NME7: variants seen among roughly 807,000 people sequenced by gnomAD.
The protein encoded by NME7 is nucleoside diphosphate kinase 7.
NME7 carries 41 observed loss-of-function variants against 49.1 expected under a neutral mutation model. The ratio of observed to expected loss-of-function variants is 0.83; its 90% confidence interval spans 0.65 to 1.08. The LOEUF is 1.08. Among genes scored for constraint, NME7 ranks in the 50% least tolerant of loss-of-function variants. NME7 has a pLI of 0.00. For synonymous variants in NME7, 139 were observed against 150.6 expected (o/e 0.92, Z 0.56); for missense variants, 423 against 463.4 (o/e 0.91, Z 0.80).
Position 169,230,800 on chromosome 1 carries a change from T to C in NME7, c.908A>G (p.Tyr303Cys), listed in dbSNP as rs1191074998. The C allele has an allele frequency of 1.9e-6, 3 of 1,600,436 alleles. No homozygotes were observed. The highest frequency in any genetic ancestry group is 2.7e-5 in the African/African-American group (2 of 74,574). ...TEYHDMVTEM[Y>C]SGPCVAMEIQ... is the part of the protein sequence containing the mutation. The stretch of plus-strand genomic sequence containing the variant: ...CTCCATTGCTACACAAGGGCCAGAA[T>C]ACATTTCTGTCACCATGTCCTATGA... Residue 303 changes from tyrosine to cysteine, a missense_variant, in exon 10 of 12, where the codon TAT (tyrosine) becomes TGT (cysteine). Tyr to Cys is a radical substitution (Grantham distance 194). Coordinates refer to ENST00000367811, the MANE Select transcript of NME7 (RefSeq NM_013330.5).
intron 10 of NME7, among the ~76,000 whole-genome samples, chr1:169,196,493 C>T (rs1660382912): frequency 6.6e-6 from 1 of 152,134 alleles, no homozygotes; most frequent in Non-Finnish European, 1.5e-5. Context: ...TATCCGCATG[C>T]TTGGCATTGT....
At chr1:169,137,058 G>C (rs1299633413) in intron 11 of NME7, among the ~76,000 whole-genome samples, 3 of 152,170 alleles carry the variant, frequency 2.0e-5, no homozygotes, top group Admixed American at 6.5e-5. Flanking sequence ...TAGATTTTTG[G>C]ATAAAATCTA....
chr1:169,181,456 G>A (rs1039688887), intron 10 of NME7, among the ~76,000 whole-genome samples: 7 of 151,686 alleles, frequency 4.6e-5, no homozygotes, highest in African/African-American at 1.7e-4. Flanking sequence ...GCCAAAGAAA[G>A]TGCCATTTCT....
At chr1:169,193,957 G>A (rs1267472405) in intron 10 of NME7, among the ~76,000 whole-genome samples, 4 of 151,522 alleles carry the variant, frequency 2.6e-5, no homozygotes, top group Non-Finnish European at 2.9e-5. Flanking sequence ...AAATCACTAG[G>A]GAAGAATAGT....
intron 3 of NME7, among the ~76,000 whole-genome samples, chr1:169,316,144 G>A (rs1472419296): frequency 2.0e-5 from 3 of 151,924 alleles, no homozygotes; most frequent in Non-Finnish European, 4.4e-5. Flanking sequence ...GTGAACAAAT[G>A]TTTAGGTAAA....
rs571227422 is a variant in NME7 at position 169,258,548 on chromosome 1, A to T, written c.755-20861T>A. Reference sequence around the variant, plus strand: ...AAAGTCACAGTTAAGGAAATTCACAAATTTAGACATCTTATTATAAGAACA... The same window carrying T: ...AAAGTCACAGTTAAGGAAATTCACATATTTAGACATCTTATTATAAGAACA... On this transcript the variant is annotated intron_variant, in intron 7 of 11. Coordinates refer to ENST00000367811, the MANE Select transcript of NME7 (RefSeq NM_013330.5). Among the ~76,000 whole-genome samples, 110 of 128,308 alleles carry T rather than the reference A, an allele frequency of 8.6e-4. 15 individuals carry two copies. The highest frequency in any genetic ancestry group is 7.2e-3 in the Admixed American group (92 of 12,842). The allele number at this position is 128,308 out of a possible 152,430, so 84.2% of individuals were successfully genotyped here. A position where few individuals can be genotyped will look rare whatever the true frequency, so the allele number is the denominator to read the frequency against.
chr1:169,314,495 A>G (rs752537721), intron 3 of NME7, among the ~76,000 whole-genome samples: 1 of 152,150 alleles, frequency 6.6e-6, no homozygotes, highest in Non-Finnish European at 1.5e-5. Flanking sequence ...AATCAAAAAT[A>G]AGATAATAAA....
At chr1:169,153,414 G>C (rs1224730337) in intron 11 of NME7, among the ~76,000 whole-genome samples, 1 of 152,026 alleles carries the variant, frequency 6.6e-6, no homozygotes, top group Non-Finnish European at 1.5e-5. Flanking sequence ...ACTTCAACCA[G>C]AGGAACTCAA....
intron 1 of NME7, among the ~76,000 whole-genome samples, chr1:169,329,871 A>G (rs575987886): frequency 6.6e-6 from 1 of 152,334 alleles, no homozygotes; most frequent in East Asian, 1.9e-4. Context: ...TTTAATCCAA[A>G]GAAGACCACC....
chr1:169,272,809 C>A (rs1156788403), intron 7 of NME7, among the ~76,000 whole-genome samples: 1 of 132,452 alleles, frequency 7.5e-6, no homozygotes, highest in African/African-American at 2.6e-5. Context: ...GGGTATATAC[C>A]CAGTAATGGC....
intron 8 of NME7, among the ~76,000 whole-genome samples, 157 bp from the exon 9 acceptor site, chr1:169,235,356 C>G (rs544766138): frequency 5.9e-5 from 9 of 152,074 alleles, no homozygotes; most frequent in African/African-American, 2.2e-4. Context: ...TATTAAACAT[C>G]AACTCATCAA....
chr1:169,283,073 G>A (rs1650097833), intron 7 of NME7, among the ~76,000 whole-genome samples: 1 of 152,032 alleles, frequency 6.6e-6, no homozygotes, highest in Non-Finnish European at 1.5e-5. Context: ...TTTATTGTGT[G>A]GGAGTCTAAG....
chr1:169,160,539 T>C (rs1659214158), intron 11 of NME7, among the ~76,000 whole-genome samples: 1 of 151,956 alleles, frequency 6.6e-6, no homozygotes, highest in Non-Finnish European at 1.5e-5. Flanking sequence ...CTCCAAGGGG[T>C]CTGGGAAGTC....
chr1:169,326,777 A>C (rs568747094), intron 1 of NME7, among the ~76,000 whole-genome samples: 2 of 152,338 alleles, frequency 1.3e-5, no homozygotes, highest in East Asian at 3.9e-4. Context: ...ACAGTGGTAC[A>C]TCTGGACTTG....
At chr1:169,280,883 T>C (rs1033941890) in intron 7 of NME7, among the ~76,000 whole-genome samples, 1 of 151,778 alleles carries the variant, frequency 6.6e-6, no homozygotes, top group Non-Finnish European at 1.5e-5. Flanking sequence ...AGAAGTCAGG[T>C]AGCATAATGC....
intron 6 of NME7, among the ~76,000 whole-genome samples, chr1:169,288,524 G>C (rs1203216288): frequency 1.3e-5 from 2 of 151,968 alleles, no homozygotes; most frequent in East Asian, 3.9e-4. Context: ...GTTCAAACCT[G>C]TGTTGTTTAT....
intron 6 of NME7, among the ~76,000 whole-genome samples, chr1:169,297,234 A>C (rs1004886093): frequency 2.0e-5 from 3 of 152,104 alleles, no homozygotes; most frequent in African/African-American, 7.2e-5. Context: ...TTGGCCTCCC[A>C]AAGTGCTGGG....
chr1:169,178,820 C>CTTTTTTTT (rs57619644), intron 10 of NME7, among the ~76,000 whole-genome samples: 23 of 124,334 alleles, frequency 1.8e-4, no homozygotes, highest in East Asian at 4.8e-4. Context: ...GAAACCTCTT[C>CTTTTTTTT]TTTTTTTTTT....
intron 10 of NME7, among the ~76,000 whole-genome samples, chr1:169,217,639 T>C: frequency 6.6e-6 from 1 of 152,148 alleles, no homozygotes; most frequent in Non-Finnish European, 1.5e-5. Flanking sequence ...TCCATTGTAT[T>C]CCTTTAGTCT....
Sources: allele counts gnomAD v4.1 joint callset (sites outside exome capture counted in the v4.1 genomes callset), GRCh38; gene constraint gnomAD v4.1.1; transcripts MANE v1.5; gene names NCBI Gene and HGNC (gene_info 2026-07-23, HGNC 2026-07-21).